Variants in SLCO1B1 observed in about 807,000 individuals in gnomAD.
SLCO1B1 encodes the protein solute carrier organic anion transporter family member 1B1, also known as OATP-2.
In SLCO1B1, 81 loss-of-function variants were observed where a neutral mutation model predicts 70.1. The ratio of observed to expected loss-of-function variants is 1.16; its 90% CI spans 0.97 to 1.39. The LOEUF is 1.39. SLCO1B1 is among the 40% of genes most tolerant of loss of function. The probability of loss-of-function intolerance (pLI) is 0.00; values close to 1 mark genes in which losing one functional copy is unlikely to be tolerated. For missense variants in SLCO1B1, 895 were observed against 799.6 expected, an observed-to-expected ratio of 1.12 and a Z score of -1.44; for synonymous variants, 283 against 271.5, an observed-to-expected ratio of 1.04 and a Z score of -0.42.
At chr12:21,151,863 G>A (rs1167707637) in intron 2 of SLCO1B1, among the ~76,000 whole-genome samples, 1 of 151,922 alleles carries the variant, frequency 6.6e-6, no homozygotes, top group African/African-American at 2.4e-5. Flanking sequence ...ACATGACTAG[G>A]TGTAACTTTT....
intron 1 of SLCO1B1, among the ~76,000 whole-genome samples, chr12:21,137,404 TG>T (rs753469868): frequency 1.3e-5 from 2 of 152,164 alleles, no homozygotes; most frequent in Non-Finnish European, 2.9e-5. Context: ...GCTGTCTTTT[TG>T]TTTGTCTGTG....
chr12:21,177,281 G>A (rs917517377), intron 5 of SLCO1B1, among the ~76,000 whole-genome samples: 41 of 152,172 alleles, frequency 2.7e-4, no homozygotes, highest in African/African-American at 9.6e-4. Flanking sequence ...ATATGTAAAA[G>A]CATTTAGAAG....
At chr12:21,139,955 G>A (rs1940284398) in intron 1 of SLCO1B1, among the ~76,000 whole-genome samples, 1 of 152,110 alleles carries the variant, frequency 6.6e-6, no homozygotes, top group African/African-American at 2.4e-5. Flanking sequence ...TACATATGCT[G>A]TATAAGCTTC....
intron 1 of SLCO1B1, among the ~76,000 whole-genome samples, chr12:21,132,052 G>C (rs1234539937): frequency 1.3e-5 from 2 of 151,782 alleles, no homozygotes; most frequent in Non-Finnish European, 2.9e-5. Flanking sequence ...TGTTCTCATT[G>C]TTCAGTTCCC....
At chr12:21,191,567 T>C (rs1941030118) in intron 7 of SLCO1B1, among the ~76,000 whole-genome samples, 1 of 152,108 alleles carries the variant, frequency 6.6e-6, no homozygotes, top group Non-Finnish European at 1.5e-5. Flanking sequence ...TACAAAATCA[T>C]GCCATCTGCA....
At chr12:21,185,530 G>A (rs913060407) in intron 7 of SLCO1B1, among the ~76,000 whole-genome samples, 10 of 151,950 alleles carry the variant, frequency 6.6e-5, no homozygotes, top group Admixed American at 5.2e-4. Flanking sequence ...AAGTAAAACC[G>A]TTTTTGACAT....
chr12:21,176,651 A>T, intron 4 of SLCO1B1, 125 bp from the exon 5 acceptor site: 1 of 749,928 alleles, frequency 1.3e-6, no homozygotes, highest in Non-Finnish European at 2.3e-6. Context: ...AAATTGACAG[A>T]AAGTACTCTG....
At chr12:21,206,182 T>G (rs946171736) in intron 11 of SLCO1B1, 149 bp downstream of exon 11, 22 of 672,344 alleles carry the variant, frequency 3.3e-5, no homozygotes, top group Non-Finnish European at 5.3e-5. Context: ...ATGGGTGTGA[T>G]GTATAAACAA....
intron 12 of SLCO1B1, among the ~76,000 whole-genome samples, chr12:21,219,307 A>C (rs1396036582): frequency 2.0e-5 from 3 of 152,352 alleles, no homozygotes; most frequent in African/African-American, 7.2e-5. Context: ...AAATAAAGGT[A>C]CAAGCCATGC....
Position 21,138,180 on chromosome 12 carries a change from T to C in SLCO1B1, c.-61-3334T>C, listed in dbSNP as rs146443042. Among the ~76,000 whole-genome samples the C allele has an allele frequency of 2.1e-3, 325 of 152,296 alleles. 1 individual carries two copies. Among genetic ancestry groups the C allele is most frequent in the African/African-American group, 7.3e-3 (304 of 41,568 alleles). On this transcript the variant is annotated intron_variant, in intron 1 of 14. Transcript: ENST00000256958. ...CCTTTTTGCTCCTCAGTTGCATAAG[T>C]ACATGGTAGAAATTGGGTCACTTTG... is the stretch of plus-strand genomic sequence containing the variant.
chr12:21,188,619 C>T (rs1307476967), intron 7 of SLCO1B1, among the ~76,000 whole-genome samples: 1 of 151,956 alleles, frequency 6.6e-6, no homozygotes, highest in Non-Finnish European at 1.5e-5. Flanking sequence ...TAGTTTAACA[C>T]CATCCCCCTT....
chr12:21,134,090 T>C lies in SLCO1B1; in HGVS notation c.-62+2854T>C, dbSNP rs1390693939. On this transcript the variant is annotated intron_variant, in intron 1 of 14. Transcript: ENST00000256958. ...GCCTTTTCTGCATCTATTGAGATGA[T>C]CATGTAGTTTTTGTCTTTGGTTCTG... is the stretch of plus-strand genomic sequence containing the variant. 8.5e-5 allele frequency among the ~76,000 whole-genome samples: 13 copies of C among 152,338 alleles called. 1 individual carries two copies. The highest frequency in any genetic ancestry group is 3.3e-4 in the Admixed American group (5 of 15,288).
chr12:21,149,997 A>ATGCTC (rs112035870), intron 2 of SLCO1B1, among the ~76,000 whole-genome samples: 16 of 152,056 alleles, frequency 1.1e-4, no homozygotes, highest in African/African-American at 3.9e-4. Context: ...TCAACCCGGG[A>ATGCTC]TGCTCGAGCT....
intron 14 of SLCO1B1, among the ~76,000 whole-genome samples, chr12:21,237,855 C>T (rs1460007148): frequency 1.3e-5 from 2 of 152,100 alleles, no homozygotes; most frequent in South Asian, 2.1e-4. Flanking sequence ...GCTGGGATAA[C>T]AGGCACCCGC....
intron 11 of SLCO1B1, among the ~76,000 whole-genome samples, chr12:21,209,027 A>T (rs1941246440): frequency 6.6e-6 from 1 of 151,444 alleles, no homozygotes; most frequent in Non-Finnish European, 1.5e-5. Context: ...CTTTTGGCAG[A>T]GTATTTAGGG....
At chr12:21,178,232 T>C (rs1197497489) in intron 5 of SLCO1B1, among the ~76,000 whole-genome samples, 2 of 152,108 alleles carry the variant, frequency 1.3e-5, no homozygotes, top group Admixed American at 1.3e-4. Context: ...ATTTTATAAA[T>C]GAGAGTTCCC....
At position 21,202,512 on chromosome 12, in the gene SLCO1B1, T is replaced by C; in HGVS notation, c.1157T>C (p.Phe386Ser). 6.2e-7 allele frequency: 1 copy of C among 1,609,104 alleles called. No homozygotes were observed. The highest frequency in any genetic ancestry group is 1.1e-5 in the South Asian group (1 of 90,260). ...CTAGGAGTCATAACCATACCTATTT[T>C]TGCAAGTGGAATGTTTTTAGGAGGA... The part of the protein sequence containing the change: ...ILLGVITIPI[F>S]ASGMFLGGYI... Residue 386 changes from phenylalanine (F) to serine (S), a missense_variant, in exon 10 of 15, where the codon TTT becomes TCT. Transcript: ENST00000256958.
chr12:21,186,450 G>T (rs963892954), intron 7 of SLCO1B1, among the ~76,000 whole-genome samples: 1 of 151,436 alleles, frequency 6.6e-6, no homozygotes. Flanking sequence ...ATTCTTGTGC[G>T]TTTTTATACT....
intron 4 of SLCO1B1, 71 bp from the exon 5 acceptor site, chr12:21,176,705 T>C: frequency 2.5e-6 from 3 of 1,189,874 alleles, no homozygotes; most frequent in South Asian, 2.4e-5. Context: ...GGAATATTTC[T>C]CTGTATTTCT....
Sources: gnomAD v4.1 joint callset for allele counts (sites outside exome capture counted in the v4.1 genomes callset) on GRCh38, gnomAD v4.1.1 for gene constraint, MANE v1.5 for transcripts, NCBI Gene and HGNC (gene_info 2026-07-23, HGNC 2026-07-21) for gene names.